Variants in TCF7L2 observed in about 807,000 individuals in gnomAD.
TCF7L2 encodes the protein transcription factor 7 like 2.
Under a neutral mutation model 77.9 loss-of-function variants are expected in TCF7L2, and 23 were observed. The ratio of observed to expected loss-of-function variants is 0.30; its 90% CI spans 0.21 to 0.42. The LOEUF is 0.42. TCF7L2 is among the 10% of genes least tolerant of loss of function. The pLI, the probability that TCF7L2 is intolerant of heterozygous loss-of-function variation, is 1.00. For synonymous variants in TCF7L2, 413 were observed against 340.2 expected (o/e 1.21, Z -2.36); for missense variants, 654 against 793.1 (o/e 0.82, Z 2.11).
intron 5 of TCF7L2, among the ~76,000 whole-genome samples, chr10:113,083,692 C>T (rs901368560): frequency 2.6e-5 from 4 of 152,148 alleles, no homozygotes; most frequent in Non-Finnish European, 5.9e-5. Flanking sequence ...TTTTGGCATC[C>T]TTGTGTGTGA....
chr10:113,113,674 AT>A (rs760084103), intron 5 of TCF7L2, among the ~76,000 whole-genome samples: 8 of 152,324 alleles, frequency 5.3e-5, no homozygotes, highest in Admixed American at 2.0e-4. Context: ...TTTCTGCAGC[AT>A]TTAAAGAAAT....
chr10:113,138,681 C>A (rs1269144359), intron 5 of TCF7L2, among the ~76,000 whole-genome samples: 3 of 152,134 alleles, frequency 2.0e-5, no homozygotes, highest in Non-Finnish European at 4.4e-5. Context: ...CTGTGCTAAG[C>A]CTTTTCCTGG....
chr10:113,004,186 C>T (rs113012967), intron 4 of TCF7L2, among the ~76,000 whole-genome samples: 1,614 of 152,140 alleles, frequency 0.011, 11 homozygotes, highest in Non-Finnish European at 0.017. Flanking sequence ...GAGAAGTCTC[C>T]GGGGTGTAGT....
At chr10:112,956,955 CT>C (rs945469421) in intron 3 of TCF7L2, among the ~76,000 whole-genome samples, 1 of 152,128 alleles carries the variant, frequency 6.6e-6, no homozygotes, top group African/African-American at 2.4e-5. Flanking sequence ...CCTCTACAAT[CT>C]TGAGTTTACT....
chr10:113,156,487 G>A (rs1003327385), intron 11 of TCF7L2, among the ~76,000 whole-genome samples: 2 of 152,160 alleles, frequency 1.3e-5, no homozygotes, highest in Non-Finnish European at 2.9e-5. Flanking sequence ...GAAGCTTTAG[G>A]CAAAGGCAAC....
chr10:112,962,418 A>G (rs2035500551), intron 3 of TCF7L2, among the ~76,000 whole-genome samples: 1 of 152,190 alleles, frequency 6.6e-6, no homozygotes, highest in African/African-American at 2.4e-5. Flanking sequence ...CTTTCTGGCC[A>G]AGAATTCCAG....
intron 5 of TCF7L2, among the ~76,000 whole-genome samples, chr10:113,071,703 T>A (rs2135229149): frequency 6.6e-6 from 1 of 151,862 alleles, no homozygotes; most frequent in South Asian, 2.1e-4. Context: ...GCAGGGCGAG[T>A]TGTGTGTGAG....
chr10:113,060,234 G>C (rs2056207749), intron 5 of TCF7L2, among the ~76,000 whole-genome samples: 1 of 152,194 alleles, frequency 6.6e-6, no homozygotes, highest in Admixed American at 6.5e-5. Flanking sequence ...CTGAGAGAAG[G>C]AATTGCAGGC....
chr10:113,089,393 G>A, intron 5 of TCF7L2: 1 of 1,612,108 alleles, frequency 6.2e-7, no homozygotes, highest in South Asian at 1.1e-5. Context: ...TTTCTTCCTG[G>A]CAGCAGAGCC....
chr10:113,162,812 G>A (rs2073380635), intron 13 of TCF7L2, among the ~76,000 whole-genome samples: 1 of 152,178 alleles, frequency 6.6e-6, no homozygotes, highest in South Asian at 2.1e-4. Context: ...GGATCAGGAA[G>A]AACCCTTAGT....
chr10:113,026,520 G>T (rs2049206785), intron 4 of TCF7L2, among the ~76,000 whole-genome samples: 1 of 152,170 alleles, frequency 6.6e-6, no homozygotes, highest in Non-Finnish European at 1.5e-5. Context: ...CTCCACAATG[G>T]TGAATCAGGG....
At chr10:113,165,359 C>T (rs1007989663) in intron 13 of TCF7L2, among the ~76,000 whole-genome samples, 196 bp from the exon 15 acceptor site, 4 of 152,102 alleles carry the variant, frequency 2.6e-5, no homozygotes, top group African/African-American at 9.7e-5. Flanking sequence ...TTTGCCAGAG[C>T]AGGCTTAGAT....
chr10:113,081,367 A>G (rs753254172), intron 5 of TCF7L2, among the ~76,000 whole-genome samples: 1 of 152,236 alleles, frequency 6.6e-6, no homozygotes, highest in Non-Finnish European at 1.5e-5. Context: ...GAATCTCAGT[A>G]TAAGCACAGT....
chr10:113,044,864 G>A (rs141054667), intron 5 of TCF7L2, among the ~76,000 whole-genome samples: 282 of 152,260 alleles, frequency 1.9e-3, no homozygotes, highest in African/African-American at 6.5e-3. Flanking sequence ...GACTTGGGGT[G>A]CAGCATATGG....
At chr10:113,121,926 G>A (rs1483038490) in intron 5 of TCF7L2, among the ~76,000 whole-genome samples, 1 of 152,178 alleles carries the variant, frequency 6.6e-6, no homozygotes, top group Non-Finnish European at 1.5e-5. Flanking sequence ...AAGAAAATAC[G>A]TCCATTAGTT....
At chr10:113,045,796 A>G (rs887780569) in intron 5 of TCF7L2, among the ~76,000 whole-genome samples, 3 of 152,072 alleles carry the variant, frequency 2.0e-5, no homozygotes, top group South Asian at 4.1e-4. Context: ...TCATTTATCT[A>G]TGACTCAGCC....
chr10:112,977,317 C>T (rs2039604734), intron 4 of TCF7L2, among the ~76,000 whole-genome samples: 1 of 152,158 alleles, frequency 6.6e-6, no homozygotes, highest in African/African-American at 2.4e-5. Context: ...TGAGGCTGCC[C>T]TGTAGGGAAG....
chr10:113,075,475 A>AG (rs2058593378), intron 5 of TCF7L2, among the ~76,000 whole-genome samples: 1 of 151,612 alleles, frequency 6.6e-6, no homozygotes, highest in African/African-American at 2.4e-5. Context: ...AAAAAAGAAA[A>AG]AAGAAAAAAA....
intron 13 of TCF7L2, among the ~76,000 whole-genome samples, chr10:113,165,053 ACACACT>A (rs759211873): frequency 6.6e-6 from 1 of 152,066 alleles, no homozygotes; most frequent in Non-Finnish European, 1.5e-5. Flanking sequence ...TTAAACACAC[ACACACT>A]CACACTCACA....
Sources: allele counts gnomAD v4.1 joint callset (sites outside exome capture counted in the v4.1 genomes callset), GRCh38; gene constraint gnomAD v4.1.1; transcripts MANE v1.5; gene names NCBI Gene and HGNC (gene_info 2026-07-23, HGNC 2026-07-21).